JARID2: variants seen among roughly 807,000 people sequenced by gnomAD.
JARID2 encodes jumonji and AT-rich interaction domain containing 2, also known as protein Jumonji.
Under a neutral mutation model 125.6 loss-of-function variants are expected in JARID2, and 21 were observed. The ratio of observed to expected loss-of-function variants is 0.17; its 90% CI spans 0.12 to 0.24. The LOEUF (loss-of-function observed/expected upper bound fraction) is 0.24. Among genes scored for constraint, JARID2 ranks in the 10% least tolerant of loss-of-function variants. The pLI is 1.00. For synonymous variants in JARID2, 736 were observed against 661.6 expected, an observed-to-expected ratio of 1.11 and a Z score of -1.73; for missense variants, 1,303 against 1,639.6, an observed-to-expected ratio of 0.79 and a Z score of 3.55.
intron 13 of JARID2, among the ~76,000 whole-genome samples, chr6:15,511,668 C>T (rs762561085): frequency 3.9e-5 from 6 of 152,106 alleles, no homozygotes; most frequent in East Asian, 1.9e-4. Context: ...TTCTTGTGCC[C>T]GCCGCTCCTA....
intron 4 of JARID2, among the ~76,000 whole-genome samples, chr6:15,463,516 TGC>T (rs576362924): frequency 7.3e-5 from 11 of 150,402 alleles, no homozygotes; most frequent in Non-Finnish European, 1.6e-4. Context: ...TTGCAACCTC[TGC>T]CTGCTGGGTT....
chr6:15,371,326 G>T (rs896805802), intron 1 of JARID2, among the ~76,000 whole-genome samples: 2 of 152,294 alleles, frequency 1.3e-5, no homozygotes, highest in Non-Finnish European at 2.9e-5. Flanking sequence ...CTATTTTGGG[G>T]CCTTATAATT....
At chr6:15,364,747 C>T (rs1361759368) in intron 1 of JARID2, among the ~76,000 whole-genome samples, 1 of 152,156 alleles carries the variant, frequency 6.6e-6, no homozygotes, top group African/African-American at 2.4e-5. Context: ...CAATTGAAAC[C>T]CTATCCAATT....
intron 1 of JARID2, among the ~76,000 whole-genome samples, chr6:15,282,067 A>G (rs1440125626): frequency 6.6e-6 from 1 of 151,972 alleles, no homozygotes; most frequent in East Asian, 1.9e-4. Flanking sequence ...CTTGTGTGGT[A>G]GCTGGGACTA....
intron 1 of JARID2, among the ~76,000 whole-genome samples, chr6:15,364,760 A>G (rs1763917585): frequency 6.6e-6 from 1 of 152,238 alleles, no homozygotes; most frequent in African/African-American, 2.4e-5. Context: ...ATCCAATTTA[A>G]TGCAGATATG....
At chr6:15,380,875 G>C (rs1489212284) in intron 2 of JARID2, among the ~76,000 whole-genome samples, 4 of 152,066 alleles carry the variant, frequency 2.6e-5, no homozygotes. Context: ...TCTGATTTAC[G>C]TAAGTTTATT....
At chr6:15,259,251 C>T (rs1158589902) in intron 1 of JARID2, among the ~76,000 whole-genome samples, 1 of 152,190 alleles carries the variant, frequency 6.6e-6, no homozygotes, top group African/African-American at 2.4e-5. Flanking sequence ...TTGGTTTTAC[C>T]TAAATTGCCT....
intron 3 of JARID2, among the ~76,000 whole-genome samples, chr6:15,411,432 AT>A (rs1765871227): frequency 6.6e-6 from 1 of 152,226 alleles, no homozygotes; most frequent in Non-Finnish European, 1.5e-5. Flanking sequence ...AGCCTTTTAA[AT>A]ACATTGAATC....
At chr6:15,500,303 C>T (rs1770671283) in intron 7 of JARID2, among the ~76,000 whole-genome samples, 1 of 152,164 alleles carries the variant, frequency 6.6e-6, no homozygotes, top group African/African-American at 2.4e-5. Context: ...TGTCCTCACG[C>T]AGGTGTTGCT....
chr6:15,408,541 ATAT>A (rs1765743266), intron 2 of JARID2, among the ~76,000 whole-genome samples: 1 of 152,184 alleles, frequency 6.6e-6, no homozygotes, highest in African/African-American at 2.4e-5. Flanking sequence ...ATCAGTAAAG[ATAT>A]TATTTAAACT....
At chr6:15,362,514 C>T (rs548955337) in intron 1 of JARID2, among the ~76,000 whole-genome samples, 14 of 152,212 alleles carry the variant, frequency 9.2e-5, no homozygotes, top group African/African-American at 3.1e-4. Flanking sequence ...CGGGGTCTGA[C>T]GATGAGAGCT....
chr6:15,501,100 A>G lies in JARID2; in HGVS notation c.2139A>G (p.Pro713=). ...QYLLSYDSLS[P]EEHRRLEKEV... ...TACTCTCCTACGACTCCCTGTCCCC[A>G]GAGGAGCACCGGCGGCTGGAGAAGG... The change falls in exon 8 of 18, where the codon CCA becomes CCG. Residue 713 remains proline, a synonymous_variant. Transcript: ENST00000341776. 1 of 1,614,092 alleles carries G rather than the reference A, an allele frequency of 6.2e-7. No homozygotes were observed. Among genetic ancestry groups the G allele is most frequent in the Non-Finnish European group, 8.5e-7 (1 of 1,179,978 alleles).
At position 15,434,768 on chromosome 6, in the gene JARID2, G is replaced by A. The variant is rs549027129; in HGVS notation, c.324-17238G>A. Among the ~76,000 whole-genome samples the A allele has an allele frequency of 4.6e-5, 7 of 152,274 alleles. No individual in the cohort carries two copies. In the South Asian group the frequency reaches 1.5e-3, roughly 32 times the overall value. ...AAGGAGATAAGATTTTCATCTATAG[G>A]ACAGTGTTTCTCAGCTTTCCGTATC... is the stretch of plus-strand genomic sequence containing the variant. On this transcript the variant is annotated intron_variant, in intron 3 of 17. Transcript: ENST00000341776.
chr6:15,329,540 A>G (rs904809090), intron 1 of JARID2, among the ~76,000 whole-genome samples: 1 of 152,118 alleles, frequency 6.6e-6, no homozygotes, highest in Non-Finnish European at 1.5e-5. Flanking sequence ...CCTTATCCCC[A>G]CTGGAGGATG....
intron 1 of JARID2, among the ~76,000 whole-genome samples, chr6:15,312,032 T>TA (rs1762031886): frequency 6.6e-6 from 1 of 152,146 alleles, no homozygotes; most frequent in Non-Finnish European, 1.5e-5. Flanking sequence ...GTTCTAGATT[T>TA]AAAAAACAAA....
In JARID2 at chr6:15,495,999, T is replaced by C. The variant is rs991925041; in HGVS notation, c.907-133T>C. 2.2e-5 allele frequency: 16 copies of C among 735,988 alleles called. No individual in the cohort carries two copies. In the African/African-American group the frequency reaches 2.6e-4, roughly 12 times the overall value. The allele number at this position is 735,988 out of a possible 1,614,324, so 45.6% of individuals were successfully genotyped here. On this transcript the variant is annotated intron_variant, in intron 6 of 17. Coordinates refer to ENST00000341776, the MANE Select transcript of JARID2 (RefSeq NM_004973.4). ...TCTTTGCTGGTATTTCCACATCTCT[T>C]CTTATCACACTACAGGCTGCTGGCT...
intron 1 of JARID2, among the ~76,000 whole-genome samples, chr6:15,313,612 G>T (rs759872218): frequency 6.6e-6 from 1 of 152,178 alleles, no homozygotes; most frequent in Non-Finnish European, 1.5e-5. Flanking sequence ...TGTGGAATTT[G>T]CAGTGTGCCG....
chr6:15,519,328 A>G (rs1771718755), intron 17 of JARID2, among the ~76,000 whole-genome samples: 1 of 152,152 alleles, frequency 6.6e-6, no homozygotes, highest in Non-Finnish European at 1.5e-5. Context: ...CGCCTTCCGA[A>G]GGCACCTTTA....
At chr6:15,502,681 C>G (rs1032767599) in intron 8 of JARID2, among the ~76,000 whole-genome samples, 1 of 152,244 alleles carries the variant, frequency 6.6e-6, no homozygotes, top group Non-Finnish European at 1.5e-5. Context: ...GCAGACCCGC[C>G]TCAGGCTGCA....
Sources: allele counts gnomAD v4.1 joint callset (sites outside exome capture counted in the v4.1 genomes callset), GRCh38; gene constraint gnomAD v4.1.1; transcripts MANE v1.5; gene names NCBI Gene and HGNC (gene_info 2026-07-23, HGNC 2026-07-21).